The following CACNA1D variants were observed in gnomAD, a reference collection of about 807,000 sequenced individuals.
The protein encoded by CACNA1D is calcium voltage-gated channel subunit alpha1 D.
In CACNA1D, 55 loss-of-function variants were observed where a neutral mutation model predicts 257.1. The ratio of observed to expected loss-of-function variants is 0.21; its 90% confidence interval spans 0.17 to 0.27. CACNA1D has a LOEUF of 0.27. CACNA1D is among the 10% of genes least tolerant of loss of function. The pLI, the probability that CACNA1D is intolerant of heterozygous loss-of-function variation, is 1.00. For missense variants in CACNA1D, 1,876 were observed against 2,784.0 expected (o/e 0.67, Z 7.34); for synonymous variants, 980 against 1,014.9 (o/e 0.97, Z 0.65).
chr3:53,496,502 G>C (rs2090355091), intron 1 of CACNA1D, among the ~76,000 whole-genome samples: 1 of 152,184 alleles, frequency 6.6e-6, no homozygotes, highest in South Asian at 2.1e-4. Context: ...TTCTGTTTTC[G>C]GAAGCCTGTG....
chr3:53,524,637 C>A (rs766223644), intron 3 of CACNA1D, among the ~76,000 whole-genome samples: 1 of 152,124 alleles, frequency 6.6e-6, no homozygotes, highest in Non-Finnish European at 1.5e-5. Flanking sequence ...GCCTTTGAAG[C>A]CTCTTTTGGG....
chr3:53,551,140 T>A (rs1244626871), intron 3 of CACNA1D, among the ~76,000 whole-genome samples: 1 of 152,210 alleles, frequency 6.6e-6, no homozygotes, highest in African/African-American at 2.4e-5. Flanking sequence ...GTGGAAGAAA[T>A]ACATTTAGGT....
chr3:53,648,246 G>C (rs2094043951), intron 3 of CACNA1D, among the ~76,000 whole-genome samples: 1 of 151,902 alleles, frequency 6.6e-6, no homozygotes, highest in Non-Finnish European at 1.5e-5. Context: ...GGGATGAATT[G>C]TAAAATCAGT....
chr3:53,731,037 T>A (rs747827992), intron 16 of CACNA1D, 40 bp from the exon 17 acceptor site: 3 of 1,208,930 alleles, frequency 2.5e-6, no homozygotes, highest in African/African-American at 3.0e-5. Flanking sequence ...CAGAGTAACA[T>A]GGTTATTTGG....
At chr3:53,696,711 G>T (rs1043317117) in intron 8 of CACNA1D, among the ~76,000 whole-genome samples, 6 of 152,164 alleles carry the variant, frequency 3.9e-5, no homozygotes, top group Non-Finnish European at 7.4e-5. Flanking sequence ...TGCCCAGGTG[G>T]ATGGAATTCT....
Position 53,776,897 on chromosome 3 carries a change from C to T in CACNA1D, c.4528C>T (p.Arg1510Ter), listed in dbSNP as rs2095401036. The stretch of plus-strand genomic sequence containing the variant: ...ACACCTTGATGTGGTCACTCTGCTT[C>T]GACGCATCCAGCCTCCCCTGGGGTT... ...IKHLDVVTLL[R>*]RIQPPLGFGK... The change falls in exon 37 of 48, where the codon CGA becomes TGA. Residue 1510 changes from arginine (R) to a stop codon, truncating the protein, a stop_gained. Transcript: ENST00000350061. LOFTEE classifies it high-confidence loss of function. 1.9e-6 allele frequency: 3 copies of T among 1,614,016 alleles called. No individual in the cohort carries two copies. The highest frequency in any genetic ancestry group is 1.3e-5 in the African/African-American group (1 of 74,914).
intron 20 of CACNA1D, among the ~76,000 whole-genome samples, chr3:53,736,712 T>G (rs1171218696): frequency 6.6e-6 from 1 of 151,970 alleles, no homozygotes; most frequent in African/African-American, 2.4e-5. Context: ...GGCAACATAG[T>G]GAGACCCCAT....
chr3:53,666,215 C>T, intron 6 of CACNA1D, 124 bp from the exon 7 acceptor site: 1 of 876,894 alleles, frequency 1.1e-6, no homozygotes, highest in Non-Finnish European at 2.0e-6. Context: ...CAAGCAGGAT[C>T]CTGAGGCAAC....
rs377196139 is a variant in CACNA1D at position 53,706,920 on chromosome 3, G to A, written c.1390+4110G>A. Among the ~76,000 whole-genome samples, 13 of 152,236 alleles carry A rather than the reference G, an allele frequency of 8.5e-5. No homozygotes were observed. In the East Asian group the frequency reaches 9.7e-4, roughly 11 times the overall value. Reference sequence around the variant, plus strand: ...ATATTTTTGAAGGTTCTCCTAGACCGCTAACCAGCCTCAGGGTGGGGCCTC... The same window carrying A: ...ATATTTTTGAAGGTTCTCCTAGACCACTAACCAGCCTCAGGGTGGGGCCTC... On this transcript the variant is annotated intron_variant, in intron 9 of 47. Coordinates refer to ENST00000350061, the MANE Select transcript of CACNA1D (RefSeq NM_001128840.3).
chr3:53,794,317 A>G (rs1411551604), intron 40 of CACNA1D, among the ~76,000 whole-genome samples: 1 of 152,180 alleles, frequency 6.6e-6, no homozygotes, highest in Non-Finnish European at 1.5e-5. Context: ...TAACAGTTCT[A>G]GGGTGGGTAG....
Position 53,705,251 on chromosome 3 carries a change from C to T in CACNA1D, c.1390+2441C>T, listed in dbSNP as rs1175866503. ...GAGGAAGGCTCCGTGGGAGGAGCAG[C>T]CCTGGGCGGCAGAGGTTGGGGGTGG... is the stretch of plus-strand genomic sequence containing the variant. On this transcript the variant is annotated intron_variant, in intron 9 of 47. Coordinates refer to ENST00000350061, the MANE Select transcript of CACNA1D (RefSeq NM_001128840.3). Among the ~76,000 whole-genome samples, 4 of 152,114 alleles carry T rather than the reference C, an allele frequency of 2.6e-5. No homozygotes were observed. In the South Asian group the frequency reaches 6.2e-4, roughly 24 times the overall value.
Position 53,809,888 on chromosome 3 carries a change from C to T in CACNA1D, c.5872-90C>T, listed in dbSNP as rs2095587114. 9.9e-6 allele frequency: 12 copies of T among 1,215,216 alleles called. 1 individual carries two copies. In the Middle Eastern group the frequency reaches 5.7e-4, roughly 57 times the overall value. 75.3% of individuals were successfully genotyped at this position (1,215,216 alleles called of 1,614,324 possible). A position where few individuals can be genotyped will look rare whatever the true frequency, so the allele number is the denominator to read the frequency against. Reference sequence around the variant, plus strand: ...CCTTGCCTGGACTGCCCCTGGCGAGCGCAGCGCCGGTGCTTGGTCTGTGCG... The same window carrying T: ...CCTTGCCTGGACTGCCCCTGGCGAGTGCAGCGCCGGTGCTTGGTCTGTGCG... On this transcript the variant is annotated intron_variant, in intron 46 of 47. Transcript: ENST00000350061.
intron 15 of CACNA1D, among the ~76,000 whole-genome samples, chr3:53,730,158 A>G (rs951392480): frequency 3.3e-5 from 5 of 152,250 alleles, no homozygotes; most frequent in African/African-American, 1.2e-4. Context: ...ACACACACAC[A>G]CAGAGAAAGG....
chr3:53,691,905 A>T (rs540634801), intron 8 of CACNA1D, among the ~76,000 whole-genome samples: 91 of 33,172 alleles, frequency 2.7e-3, no homozygotes, highest in African/African-American at 9.2e-3. Context: ...TATTACATAT[A>T]TTATATATAA....
rs1272070755 is a variant in CACNA1D, at chr3:53,618,434, T to C, written c.484-32345T>C. Among the ~76,000 whole-genome samples the C allele has an allele frequency of 2.6e-5, 4 of 152,130 alleles. No individual in the cohort carries two copies. In the East Asian group the frequency reaches 7.7e-4, roughly 29 times the overall value. ...TGCTGTTGCTGCTGCCTGGTCAGAGTTGAGGGCTCTGACAACAGCCACCAC... is the reference window on the plus strand; with the variant it reads ...TGCTGTTGCTGCTGCCTGGTCAGAGCTGAGGGCTCTGACAACAGCCACCAC... On this transcript the variant is annotated intron_variant, in intron 3 of 47. Transcript: ENST00000350061.
intron 3 of CACNA1D, among the ~76,000 whole-genome samples, chr3:53,607,699 T>C (rs1417235350): frequency 6.6e-6 from 1 of 152,230 alleles, no homozygotes; most frequent in Non-Finnish European, 1.5e-5. Flanking sequence ...ATGATTCATT[T>C]TGAGATAATT....
intron 10 of CACNA1D, 181 bp downstream of exon 10, chr3:53,718,569 C>T: frequency 1.4e-6 from 1 of 736,276 alleles, no homozygotes; most frequent in Non-Finnish European, 2.4e-6. Context: ...TCCTGCACAC[C>T]TCCCCACCCC....
chr3:53,666,566 T>G (rs749816283), intron 7 of CACNA1D, 31 bp downstream of exon 7: 3 of 1,575,936 alleles, frequency 1.9e-6, no homozygotes, highest in African/African-American at 1.4e-5. Flanking sequence ...GTTTATGGAG[T>G]GTTCTTTGCT....
At chr3:53,537,532 C>T (rs2092149469) in intron 3 of CACNA1D, among the ~76,000 whole-genome samples, 1 of 149,148 alleles carries the variant, frequency 6.7e-6, no homozygotes, top group Non-Finnish European at 1.5e-5. Context: ...AACATAACCA[C>T]AGTCTGCTAA....
Sources: gnomAD v4.1 joint callset for allele counts (sites outside exome capture counted in the v4.1 genomes callset) on GRCh38, gnomAD v4.1.1 for gene constraint, MANE v1.5 for transcripts, NCBI Gene and HGNC (gene_info 2026-07-23, HGNC 2026-07-21) for gene names.